The following DPF3 variants were observed in gnomAD, a reference collection of about 807,000 sequenced individuals.
DPF3 encodes the protein double PHD fingers 3, also known as zinc finger protein DPF3.
A neutral mutation model predicts 56.8 loss-of-function variants in DPF3; 18 were observed. The observed-to-expected ratio is 0.32, with a 90% CI of 0.22 to 0.47. The LOEUF is 0.47. DPF3 is among the 20% of genes least tolerant of loss of function. The pLI is 1.00. For missense variants in DPF3, 403 were observed against 488.8 expected, an observed-to-expected ratio of 0.82 and a Z score of 1.65; for synonymous variants, 188 against 180.2, an observed-to-expected ratio of 1.04 and a Z score of -0.35.
At chr14:72,735,380 C>A (rs1889849027) in intron 3 of DPF3, among the ~76,000 whole-genome samples, 1 of 152,172 alleles carries the variant, frequency 6.6e-6, no homozygotes, top group Non-Finnish European at 1.5e-5. Flanking sequence ...CCTTCTCCTG[C>A]TCTTCCTTCC....
intron 3 of DPF3, among the ~76,000 whole-genome samples, chr14:72,744,529 A>G (rs899817314): frequency 1.3e-5 from 2 of 152,112 alleles, no homozygotes; most frequent in African/African-American, 4.8e-5. Context: ...CTCATCCCAC[A>G]TGAGCAAAGT....
intron 1 of DPF3, among the ~76,000 whole-genome samples, chr14:72,848,133 T>C (rs1010131042): frequency 2.6e-5 from 4 of 152,158 alleles, no homozygotes; most frequent in African/African-American, 9.7e-5. Context: ...ATAAATAAAC[T>C]TCTGTCTTAT....
At chr14:72,665,769 G>A (rs1886417636) in intron 8 of DPF3, among the ~76,000 whole-genome samples, 1 of 152,206 alleles carries the variant, frequency 6.6e-6, no homozygotes, top group South Asian at 2.1e-4. Flanking sequence ...AGGTCTGTAG[G>A]TTATAGCATT....
chr14:72,650,430 C>T (rs1035039867), intron 8 of DPF3, among the ~76,000 whole-genome samples: 1 of 152,200 alleles, frequency 6.6e-6, no homozygotes, highest in East Asian at 1.9e-4. Context: ...AGAGAACACT[C>T]CACTCAGCCA....
At chr14:72,833,489 G>T (rs1192934718) in intron 1 of DPF3, among the ~76,000 whole-genome samples, 1 of 152,144 alleles carries the variant, frequency 6.6e-6, no homozygotes, top group African/African-American at 2.4e-5. Context: ...GTACGGGGAT[G>T]GATGCCAAGG....
chr14:72,649,041 C>T (rs913746257), intron 8 of DPF3, among the ~76,000 whole-genome samples: 8 of 152,124 alleles, frequency 5.3e-5, no homozygotes, highest in Non-Finnish European at 1.0e-4. Flanking sequence ...CTGAATCCTC[C>T]TCTTCTCCCT....
intron 8 of DPF3, among the ~76,000 whole-genome samples, chr14:72,658,605 A>G (rs1886120525): frequency 6.6e-6 from 1 of 152,180 alleles, no homozygotes; most frequent in Non-Finnish European, 1.5e-5. Context: ...GCAGAGGAAA[A>G]AGAAATGGAT....
At chr14:72,648,390 C>T (rs1885786775) in intron 8 of DPF3, among the ~76,000 whole-genome samples, 1 of 151,980 alleles carries the variant, frequency 6.6e-6, no homozygotes, top group Admixed American at 6.6e-5. Context: ...GGTGAAACCC[C>T]ATCTCCACTA....
At chr14:72,650,172 G>A (rs1885864816) in intron 8 of DPF3, among the ~76,000 whole-genome samples, 1 of 152,094 alleles carries the variant, frequency 6.6e-6, no homozygotes, top group African/African-American at 2.4e-5. Context: ...ATGGCCTGGG[G>A]ATGAGGGGGG....
At chr14:72,884,971 T>TATATATATACATATATA (rs10523148) in intron 1 of DPF3, among the ~76,000 whole-genome samples, 1 of 111,682 alleles carries the variant, frequency 9.0e-6, no homozygotes, top group Non-Finnish European at 1.9e-5. Flanking sequence ...TATATATATA[T>TATATATATACATATATA]TAGCCGGGCG....
chr14:72,844,104 C>T (rs1397843293), intron 1 of DPF3, among the ~76,000 whole-genome samples: 1 of 152,158 alleles, frequency 6.6e-6, no homozygotes, highest in East Asian at 1.9e-4. Flanking sequence ...GTGCTGGGCA[C>T]CATGCTGGAC....
In DPF3 at chr14:72,671,288, G is replaced by A. The variant is rs371457516; in HGVS notation, c.871+2952C>T. On this transcript the variant is annotated intron_variant, in intron 8 of 10. Transcript: ENST00000556509. ...GAACCGAATAAGTCCTCCGTGGTAC[G>A]TGCTGCGGCCGCTGCCTCCTTCTCC... The A allele has an allele frequency of 2.5e-5, 41 of 1,613,856 alleles. No individual in the cohort carries two copies. The African/African-American group carries it at 3.3e-4, about 13-fold the overall frequency.
intron 6 of DPF3, among the ~76,000 whole-genome samples, chr14:72,697,717 G>C (rs557685787): frequency 6.6e-6 from 1 of 152,286 alleles, no homozygotes; most frequent in South Asian, 2.1e-4. Context: ...TGAAGGTAGC[G>C]AGGGGCTATT....
At chr14:72,879,150 G>A (rs72732444) in intron 1 of DPF3, among the ~76,000 whole-genome samples, 21,307 of 152,204 alleles carry the variant, frequency 0.14, 1,917 homozygotes, top group East Asian at 0.26. Context: ...TTGGGAGGCC[G>A]AGGCGGGTGG....
intron 8 of DPF3, among the ~76,000 whole-genome samples, chr14:72,652,368 C>T (rs1044910190): frequency 6.6e-6 from 1 of 152,192 alleles, no homozygotes; most frequent in African/African-American, 2.4e-5. Flanking sequence ...TCCCTCCTCC[C>T]ATTTTGGGAG....
intron 9 of DPF3, among the ~76,000 whole-genome samples, chr14:72,625,482 T>C (rs1159705880): frequency 6.6e-6 from 1 of 152,198 alleles, no homozygotes; most frequent in Non-Finnish European, 1.5e-5. Context: ...TCCAGGCTTA[T>C]CTGGCATATT....
At chr14:72,724,544 T>C (rs1889314104) in intron 4 of DPF3, among the ~76,000 whole-genome samples, 1 of 151,966 alleles carries the variant, frequency 6.6e-6, no homozygotes, top group South Asian at 2.1e-4. Context: ...CCTAAGCACG[T>C]CACTCCCTTT....
intron 1 of DPF3, among the ~76,000 whole-genome samples, chr14:72,805,338 CAG>C (rs1206333362): frequency 6.6e-6 from 1 of 151,794 alleles, no homozygotes; most frequent in Non-Finnish European, 1.5e-5. Context: ...GGCATGGTGG[CAG>C]GTAACTGTAA....
intron 1 of DPF3, among the ~76,000 whole-genome samples, chr14:72,798,921 G>A (rs1480200465): frequency 3.3e-5 from 5 of 152,196 alleles, no homozygotes; most frequent in East Asian, 1.9e-4. Flanking sequence ...TAAAGCTCCC[G>A]AAACCTTTGG....
Sources: gnomAD v4.1 joint callset for allele counts (sites outside exome capture counted in the v4.1 genomes callset) on GRCh38, gnomAD v4.1.1 for gene constraint, MANE v1.5 for transcripts, NCBI Gene and HGNC (gene_info 2026-07-23, HGNC 2026-07-21) for gene names.